POLN: variants seen among roughly 807,000 people sequenced by gnomAD.
POLN encodes the protein DNA polymerase N.
POLN carries 108 observed loss-of-function variants against 113.5 expected under a neutral mutation model. That is an observed-to-expected ratio of 0.95 (90% confidence interval 0.81 to 1.12). POLN has a LOEUF of 1.12. Ranked by LOEUF, POLN falls within the 50% of genes most tolerant of loss-of-function variation. POLN has a pLI of 0.00. For missense variants in POLN, 1,097 were observed against 1,077.1 expected (o/e 1.02, Z -0.26); for synonymous variants, 386 against 391.5 (o/e 0.99, Z 0.17).
At position 2,157,897 on chromosome 4, in the gene POLN, C is replaced by G; in HGVS notation, c.1626G>C (p.Lys542Asn). 1 of 1,607,426 alleles carries G rather than the reference C, an allele frequency of 6.2e-7. No individual in the cohort carries two copies. The highest frequency in any genetic ancestry group is 8.5e-7 in the Non-Finnish European group (1 of 1,175,182). Residue 542 changes from lysine to asparagine, a missense_variant, in exon 15 of 26, where the codon AAG becomes AAC. Transcript: ENST00000511885. Reference protein sequence around the residue: ...ILEYRQVHKIKSTFVDGLLAC... With the variant: ...ILEYRQVHKINSTFVDGLLAC... ...CTAGTAATCCATCTACAAAGGTTGA[C>G]TTGATCTTGTGAACCTAAGGTGGAA...
chr4:2,201,248 C>T (rs181301622), intron 5 of POLN, among the ~76,000 whole-genome samples: 1 of 104,216 alleles, frequency 9.6e-6, no homozygotes, highest in East Asian at 3.4e-4. Flanking sequence ...GCCTGAGTGA[C>T]AGAGTGAGAC....
intron 4 of POLN, among the ~76,000 whole-genome samples, chr4:2,209,908 C>T (rs986305745): frequency 6.0e-5 from 9 of 150,152 alleles, no homozygotes; most frequent in Non-Finnish European, 1.3e-4. Context: ...GCAATCTGCC[C>T]GCCTTGGCCT....
chr4:2,090,133 G>T, intron 20 of POLN: 2 of 1,025,724 alleles, frequency 1.9e-6, no homozygotes, highest in South Asian at 1.6e-5. Context: ...CTGAGGATAA[G>T]AACTTTGAAC....
rs71644319 is a variant in POLN at position 2,157,722 on chromosome 4, CAAAAAAAAAAAAAAA to C, written c.1665+121_1665+135del. On this transcript the variant is annotated intron_variant, in intron 15 of 25. Transcript: ENST00000511885. ...CGGGCGACAGTGCAAGACTCTGTCT[CAAAAAAAAAAAAAAA>C]AAAAAAAAAGAATATTTAGACGATT... The C allele has an allele frequency of 2.3e-5, 3 of 133,174 alleles. No individual in the cohort carries two copies. In the East Asian group the frequency reaches 7.0e-4, roughly 31 times the overall value. The allele number at this position is 133,174 out of a possible 1,614,324, so 8.2% of individuals were successfully genotyped here. A position where few individuals can be genotyped will look rare whatever the true frequency, so the allele number is the denominator to read the frequency against.
chr4:2,156,683 C>T, intron 16 of POLN, 105 bp downstream of exon 16: 1 of 890,472 alleles, frequency 1.1e-6, no homozygotes, highest in South Asian at 1.4e-5. Context: ...TATGAAGTCC[C>T]CTCTTGGAAA....
At chr4:2,211,363 G>A (rs572284854) in intron 4 of POLN, among the ~76,000 whole-genome samples, 1 of 151,502 alleles carries the variant, frequency 6.6e-6, no homozygotes, top group East Asian at 1.9e-4. Context: ...ATTTTAAATG[G>A]TAATGTAACA....
chr4:2,141,308 T>A (rs1435042139), intron 16 of POLN, among the ~76,000 whole-genome samples: 1 of 152,218 alleles, frequency 6.6e-6, no homozygotes, highest in Non-Finnish European at 1.5e-5. Context: ...CAGTGTGGCA[T>A]TCACAGCTGG....
chr4:2,106,252 T>C (rs1731063676), intron 19 of POLN, among the ~76,000 whole-genome samples: 1 of 152,146 alleles, frequency 6.6e-6, no homozygotes, highest in Admixed American at 6.5e-5. Context: ...AAGTGTTAAA[T>C]GGGGAATTTT....
intron 16 of POLN, among the ~76,000 whole-genome samples, chr4:2,148,268 T>G (rs1191104851): frequency 1.3e-5 from 2 of 152,068 alleles, no homozygotes; most frequent in African/African-American, 4.8e-5. Flanking sequence ...AAAGTGAGTC[T>G]CAGTGAGCTA....
intron 4 of POLN, among the ~76,000 whole-genome samples, chr4:2,211,845 T>C (rs780272214): frequency 6.6e-6 from 1 of 152,062 alleles, no homozygotes; most frequent in Non-Finnish European, 1.5e-5. Context: ...AACAAAATTC[T>C]TTTGAGAGAA....
In POLN at chr4:2,176,346, C is replaced by G. The variant is rs755034054; in HGVS notation, c.1180-12G>C. 1.3e-6 allele frequency: 2 copies of G among 1,572,936 alleles called. No homozygotes were observed. The highest frequency in any genetic ancestry group is 1.9e-5 in the Admixed American group (1 of 51,786). ...CGTACATTCTGATTCTTTAAAAGAG[C>G]AAAAGTATTTTTAAAAATCAGATAA... On this transcript the variant is annotated splice_polypyrimidine_tract_variant and intron_variant, in intron 8 of 25. Coordinates refer to ENST00000511885, the MANE Select transcript of POLN (RefSeq NM_181808.4).
At chr4:2,172,343 G>GAGCGACAACC (rs1467177119) in intron 11 of POLN, among the ~76,000 whole-genome samples, 1 of 152,210 alleles carries the variant, frequency 6.6e-6, no homozygotes, top group Non-Finnish European at 1.5e-5. Context: ...ACCTTCTGAA[G>GAGCGACAACC]AGCGACAACC....
intron 3 of POLN, among the ~76,000 whole-genome samples, chr4:2,219,747 G>A (rs1049417181): frequency 1.3e-5 from 2 of 152,032 alleles, no homozygotes; most frequent in Non-Finnish European, 1.5e-5. Flanking sequence ...ACCTCTCCTG[G>A]CTTTTCATGC....
chr4:2,219,719 G>A (rs1468232084), intron 3 of POLN, among the ~76,000 whole-genome samples: 1 of 151,992 alleles, frequency 6.6e-6, no homozygotes, highest in East Asian at 1.9e-4. Flanking sequence ...TCCACAATAT[G>A]GCCATTCTAG....
chr4:2,222,560 G>C (rs1367068122), intron 3 of POLN, among the ~76,000 whole-genome samples: 10 of 152,058 alleles, frequency 6.6e-5, no homozygotes, highest in Admixed American at 2.6e-4. Flanking sequence ...CACACCACCA[G>C]GGCTGAAAAT....
chr4:2,086,967 C>T (rs1007972370), intron 20 of POLN, among the ~76,000 whole-genome samples: 1 of 152,236 alleles, frequency 6.6e-6, no homozygotes. Flanking sequence ...ATCCAGCCCT[C>T]CTTTCAGCCA....
intron 20 of POLN, chr4:2,090,485 G>A (rs558143897): frequency 7.5e-6 from 4 of 530,960 alleles, no homozygotes; most frequent in South Asian, 5.6e-5. Flanking sequence ...GGTTTGTCAC[G>A]CTGTGAATAA....
At chr4:2,083,569 C>T (rs1212049626) in intron 21 of POLN, among the ~76,000 whole-genome samples, 1 of 152,232 alleles carries the variant, frequency 6.6e-6, no homozygotes, top group East Asian at 1.9e-4. Flanking sequence ...ATTTCTCCTC[C>T]ACCCAGTGCT....
chr4:2,191,596 G>C (rs988747508), intron 7 of POLN, among the ~76,000 whole-genome samples: 1 of 151,988 alleles, frequency 6.6e-6, no homozygotes, highest in African/African-American at 2.4e-5. Flanking sequence ...AATATCACAA[G>C]TTCCCCCAAA....
Sources: gnomAD v4.1 joint callset for allele counts (sites outside exome capture counted in the v4.1 genomes callset) on GRCh38, gnomAD v4.1.1 for gene constraint, MANE v1.5 for transcripts, NCBI Gene and HGNC (gene_info 2026-07-23, HGNC 2026-07-21) for gene names.